ST6GALNAC3: variants seen among roughly 807,000 people sequenced by gnomAD.
The protein encoded by ST6GALNAC3 is alpha-N-acetylgalactosaminide alpha-2,6-sialyltransferase 3.
A neutral mutation model predicts 32.7 loss-of-function variants in ST6GALNAC3; 25 were observed. The observed-to-expected ratio is 0.76, with a 90% CI of 0.56 to 1.07. The LOEUF (loss-of-function observed/expected upper bound fraction) is 1.07, where lower values mean the gene tolerates loss of function less well. Among genes scored for constraint, ST6GALNAC3 ranks in the 50% least tolerant of loss-of-function variants. The pLI, the probability that ST6GALNAC3 is intolerant of heterozygous loss-of-function variation, is 0.00. For missense variants in ST6GALNAC3, 355 were observed against 382.4 expected, an observed-to-expected ratio of 0.93 and a Z score of 0.60; for synonymous variants, 129 against 133.1, an observed-to-expected ratio of 0.97 and a Z score of 0.21.
At chr1:76,446,554 C>G (rs1338795303) in intron 3 of ST6GALNAC3, among the ~76,000 whole-genome samples, 1 of 152,172 alleles carries the variant, frequency 6.6e-6, no homozygotes, top group Non-Finnish European at 1.5e-5. Flanking sequence ...TTTGCCTTTT[C>G]CAGAATGTCA....
At chr1:76,575,508 T>A (rs938022931) in intron 3 of ST6GALNAC3, among the ~76,000 whole-genome samples, 2 of 152,110 alleles carry the variant, frequency 1.3e-5, no homozygotes, top group Non-Finnish European at 2.9e-5. Context: ...TTGAGTAGAC[T>A]GGTTTAGAAG....
chr1:76,097,037 G>C (rs1028975880), intron 1 of ST6GALNAC3, among the ~76,000 whole-genome samples: 2 of 151,422 alleles, frequency 1.3e-5, no homozygotes, highest in African/African-American at 4.9e-5. Flanking sequence ...TCCTGCCTCA[G>C]CCTCCCAAGT....
intron 3 of ST6GALNAC3, among the ~76,000 whole-genome samples, chr1:76,568,141 A>C (rs553109680): frequency 2.6e-5 from 4 of 152,314 alleles, no homozygotes; most frequent in Non-Finnish European, 5.9e-5. Context: ...TTCCTTGTCT[A>C]CTACATCATT....
chr1:76,312,348 C>G lies in ST6GALNAC3; in HGVS notation c.19-1457C>G, dbSNP rs141657969. ...AGAAGAAAACCTAGGCAGTATCATT[C>G]AGGACATAGGCATGGGCAAAGACTT... On this transcript the variant is annotated intron_variant, in intron 1 of 4. Coordinates refer to ENST00000328299, the MANE Select transcript of ST6GALNAC3 (RefSeq NM_152996.4). 8.1e-4 allele frequency among the ~76,000 whole-genome samples: 123 copies of G among 152,222 alleles called. No individual in the cohort carries two copies. In the East Asian group the frequency reaches 0.017, roughly 21 times the overall value.
intron 2 of ST6GALNAC3, among the ~76,000 whole-genome samples, chr1:76,324,980 C>T (rs186818377): frequency 3.5e-4 from 53 of 152,138 alleles, no homozygotes; most frequent in Non-Finnish European, 6.9e-4. Flanking sequence ...ATGTGCACAA[C>T]GTGCAGGTTT....
intron 1 of ST6GALNAC3, chr1:76,143,004 G>T: frequency 5.6e-6 from 2 of 356,778 alleles, no homozygotes; most frequent in Non-Finnish European, 1.1e-5. Context: ...GGGCAAAGGA[G>T]GGATTACTTT....
At chr1:76,307,831 C>T (rs1016215867) in intron 1 of ST6GALNAC3, 7 of 486,290 alleles carry the variant, frequency 1.4e-5, no homozygotes, top group Non-Finnish European at 2.9e-5. Flanking sequence ...AGGTCCGGAT[C>T]TTTGCACTTG....
At chr1:76,163,557 A>T (rs191614683) in intron 1 of ST6GALNAC3, among the ~76,000 whole-genome samples, 2 of 152,082 alleles carry the variant, frequency 1.3e-5, no homozygotes, top group Non-Finnish European at 2.9e-5. Context: ...TTACTGTAAG[A>T]CTCATTTTCT....
chr1:76,189,630 G>C (rs572945683), intron 1 of ST6GALNAC3, among the ~76,000 whole-genome samples: 1 of 152,192 alleles, frequency 6.6e-6, no homozygotes, highest in Non-Finnish European at 1.5e-5. Flanking sequence ...AGAATGTAGA[G>C]TTTGAAATTT....
At chr1:76,211,951 A>G (rs1463348939) in intron 1 of ST6GALNAC3, among the ~76,000 whole-genome samples, 1 of 152,172 alleles carries the variant, frequency 6.6e-6, no homozygotes, top group Non-Finnish European at 1.5e-5. Context: ...ATAAAAATAA[A>G]ATAAAATAAA....
chr1:76,609,118 G>A (rs1295363262), intron 3 of ST6GALNAC3, among the ~76,000 whole-genome samples: 2 of 152,136 alleles, frequency 1.3e-5, no homozygotes, highest in Non-Finnish European at 2.9e-5. Context: ...AAATGTGTAT[G>A]TTTTTGTCTT....
chr1:76,574,541 C>G (rs534771761), intron 3 of ST6GALNAC3, among the ~76,000 whole-genome samples: 1 of 152,134 alleles, frequency 6.6e-6, no homozygotes, highest in African/African-American at 2.4e-5. Flanking sequence ...CTTCCTGAAG[C>G]AGCCCATTCC....
chr1:76,424,485 G>T (rs1423936657), intron 3 of ST6GALNAC3, among the ~76,000 whole-genome samples: 1 of 151,838 alleles, frequency 6.6e-6, no homozygotes, highest in African/African-American at 2.4e-5. Context: ...TAAATAATAA[G>T]AAGAGTTTCC....
At chr1:76,365,964 T>A (rs1650335938) in intron 2 of ST6GALNAC3, among the ~76,000 whole-genome samples, 1 of 152,184 alleles carries the variant, frequency 6.6e-6, no homozygotes, top group Non-Finnish European at 1.5e-5. Flanking sequence ...AATTCATATG[T>A]GTTAGGTGTG....
At chr1:76,464,504 T>C (rs1658495971) in intron 3 of ST6GALNAC3, among the ~76,000 whole-genome samples, 2 of 152,156 alleles carry the variant, frequency 1.3e-5, no homozygotes, top group Admixed American at 6.6e-5. Flanking sequence ...TCTTACAGAA[T>C]AGTAGGAGAA....
At chr1:76,413,303 G>A (rs546000139) in intron 3 of ST6GALNAC3, among the ~76,000 whole-genome samples, 3 of 152,232 alleles carry the variant, frequency 2.0e-5, no homozygotes, top group Non-Finnish European at 4.4e-5. Flanking sequence ...ATAAAGAACT[G>A]TTAAGGGAAG....
chr1:76,332,206 T>C (rs1220068684), intron 2 of ST6GALNAC3, among the ~76,000 whole-genome samples: 1 of 152,092 alleles, frequency 6.6e-6, no homozygotes, highest in African/African-American at 2.4e-5. Flanking sequence ...GGCTCAGATG[T>C]CTTGTGGGAG....
At chr1:76,462,187 CACAGA>C (rs1176836032) in intron 3 of ST6GALNAC3, among the ~76,000 whole-genome samples, 3 of 151,690 alleles carry the variant, frequency 2.0e-5, no homozygotes, top group East Asian at 1.9e-4. Context: ...CAAGACTCAA[CACAGA>C]ACAGGAGTTC....
At chr1:76,103,525 C>G (rs1279543445) in intron 1 of ST6GALNAC3, among the ~76,000 whole-genome samples, 1 of 152,096 alleles carries the variant, frequency 6.6e-6, no homozygotes, top group African/African-American at 2.4e-5. Flanking sequence ...TCATTCGACT[C>G]TCTCTGTTTC....
Sources: allele counts gnomAD v4.1 joint callset (sites outside exome capture counted in the v4.1 genomes callset), GRCh38; gene constraint gnomAD v4.1.1; transcripts MANE v1.5; gene names NCBI Gene and HGNC (gene_info 2026-07-23, HGNC 2026-07-21).